The following BCO2 variants were observed in gnomAD, a reference collection of about 807,000 sequenced individuals.
The protein encoded by BCO2 is carotenoid-cleaving dioxygenase, mitochondrial.
Under a neutral mutation model 65.8 loss-of-function variants are expected in BCO2, and 56 were observed. The ratio of observed to expected loss-of-function variants is 0.85; its 90% CI spans 0.69 to 1.06. BCO2 has a LOEUF of 1.06. Ranked by LOEUF, BCO2 falls within the 50% of genes least tolerant of loss-of-function variation. The pLI is 0.00. For missense variants in BCO2, 675 were observed against 698.5 expected (o/e 0.97, Z 0.38); for synonymous variants, 233 against 242.3 (o/e 0.96, Z 0.36).
intron 8 of BCO2, among the ~76,000 whole-genome samples, chr11:112,202,643 C>A (rs1867764935): frequency 6.6e-6 from 1 of 152,060 alleles, no homozygotes. Context: ...AGTTTTAAAG[C>A]ATTGAAGACA....
chr11:112,191,259 C>T (rs1867381013), intron 2 of BCO2, among the ~76,000 whole-genome samples: 2 of 151,646 alleles, frequency 1.3e-5, no homozygotes, highest in Admixed American at 6.6e-5. Context: ...CCTGGAAAAC[C>T]ATAGAGGATC....
At chr11:112,199,148 C>T (rs1050613315) in intron 5 of BCO2, among the ~76,000 whole-genome samples, 2 of 152,110 alleles carry the variant, frequency 1.3e-5, no homozygotes, top group Non-Finnish European at 2.9e-5. Context: ...GTGACGTTCT[C>T]CTCCCAGTGT....
intron 10 of BCO2, chr11:112,215,789 G>A (rs1859660130): frequency 6.3e-6 from 1 of 157,638 alleles, no homozygotes; most frequent in Admixed American, 6.4e-5. Flanking sequence ...TTGGCTCATA[G>A]TTCTGTGGGA....
At chr11:112,216,061 C>G (rs1176048301) in intron 10 of BCO2, 159 bp from the exon 11 acceptor site, 3 of 613,376 alleles carry the variant, frequency 4.9e-6, no homozygotes, top group Non-Finnish European at 8.8e-6. Context: ...CCACTAGGCC[C>G]CACCTTCAGC....
intron 1 of BCO2, 34 bp downstream of exon 1, chr11:112,175,723 C>T (rs1566760414): frequency 6.5e-7 from 1 of 1,544,734 alleles, no homozygotes; most frequent in Non-Finnish European, 9.0e-7. Flanking sequence ...TCCTCATCCT[C>T]CTCTTCTTGC....
At chr11:112,213,462 T>A (rs1198687954) in intron 8 of BCO2, among the ~76,000 whole-genome samples, 2 of 152,124 alleles carry the variant, frequency 1.3e-5, no homozygotes, top group African/African-American at 2.4e-5. Context: ...TTATAATTTT[T>A]AAATTTCTTT....
chr11:112,175,696 G>T lies in BCO2; in HGVS notation c.88+7G>T, dbSNP rs998635982. ...ATGGTGCACCGGCTCCCAGGTAGAG[G>T]GTTTGCCCCTTTCTCTTCCTCATCC... On this transcript the variant is annotated splice_region_variant and intron_variant, in intron 1 of 11. Coordinates refer to ENST00000357685, the MANE Select transcript of BCO2 (RefSeq NM_031938.7). 1.2e-6 allele frequency: 2 copies of T among 1,609,618 alleles called. No individual in the cohort carries two copies. Among genetic ancestry groups the T allele is most frequent in the African/African-American group, 2.7e-5 (2 of 74,826 alleles).
rs765917509 is a variant in BCO2 at position 112,200,606 on chromosome 11, C to T, written c.866-7C>T. 1 of 1,594,674 alleles carries T rather than the reference C, an allele frequency of 6.3e-7. No individual in the cohort carries two copies. The highest frequency in any genetic ancestry group is 8.5e-7 in the Non-Finnish European group (1 of 1,173,804). On this transcript the variant is annotated splice_region_variant and splice_polypyrimidine_tract_variant and intron_variant, in intron 6 of 11. Coordinates refer to ENST00000357685, the MANE Select transcript of BCO2 (RefSeq NM_031938.7). The stretch of plus-strand genomic sequence containing the variant: ...TAACATTTTTATTGTTTGCTGGAAC[C>T]TTTTAGGAATGACAAGGAACTATAT...
chr11:112,203,569 A>G (rs905661896), intron 8 of BCO2, among the ~76,000 whole-genome samples: 4 of 152,134 alleles, frequency 2.6e-5, no homozygotes, highest in African/African-American at 9.6e-5. Context: ...TAACATATCT[A>G]TCATCTCACA....
chr11:112,183,817 C>T (rs1708105811), intron 2 of BCO2, among the ~76,000 whole-genome samples: 1 of 152,172 alleles, frequency 6.6e-6, no homozygotes, highest in South Asian at 2.1e-4. Flanking sequence ...ATATCCAGTT[C>T]TTACTGATTG....
intron 2 of BCO2, chr11:112,181,338 C>A (rs375622509): frequency 1.5e-5 from 8 of 526,850 alleles, no homozygotes; most frequent in Middle Eastern, 5.2e-4. Context: ...CCCGCCACTA[C>A]GCCCGGCTAA....
At chr11:112,186,535 A>G (rs1867204914) in intron 2 of BCO2, among the ~76,000 whole-genome samples, 1 of 152,230 alleles carries the variant, frequency 6.6e-6, no homozygotes, top group South Asian at 2.1e-4. Flanking sequence ...CCCTTCACCT[A>G]TGGATAAGAA....
chr11:112,186,205 C>T (rs1867196494), intron 2 of BCO2, among the ~76,000 whole-genome samples: 1 of 151,256 alleles, frequency 6.6e-6, no homozygotes, highest in African/African-American at 2.4e-5. Flanking sequence ...ATTTCACCTG[C>T]TGCAGAAGGA....
At chr11:112,189,623 T>C (rs1867310987) in intron 2 of BCO2, among the ~76,000 whole-genome samples, 2 of 152,056 alleles carry the variant, frequency 1.3e-5, no homozygotes, top group Non-Finnish European at 2.9e-5. Flanking sequence ...AGGATGGTCT[T>C]GATCTCCTGA....
chr11:112,199,889 A>T lies in BCO2; in HGVS notation c.865+62A>T, dbSNP rs1867683807. 12 of 1,570,724 alleles carry T rather than the reference A, an allele frequency of 7.6e-6. No individual in the cohort carries two copies. In the South Asian group the frequency reaches 1.2e-4, roughly 16 times the overall value. ...GCCTTGATGTTGCTGTAGCAGAAGG[A>T]CTAGTCTGGCAAATGTTATGTTAAT... On this transcript the variant is annotated intron_variant, in intron 6 of 11. Coordinates refer to ENST00000357685, the MANE Select transcript of BCO2 (RefSeq NM_031938.7).
At chr11:112,190,684 G>A (rs1023940602) in intron 2 of BCO2, among the ~76,000 whole-genome samples, 108 of 151,716 alleles carry the variant, frequency 7.1e-4, no homozygotes, top group African/African-American at 1.3e-3. Context: ...GTGAAACCCC[G>A]TATCTACTAA....
chr11:112,200,717 A>G lies in BCO2; in HGVS notation c.970A>G (p.Ser324Gly). The G allele has an allele frequency of 6.2e-7, 1 of 1,614,038 alleles. No individual in the cohort carries two copies. Among genetic ancestry groups the G allele is most frequent in the Non-Finnish European group, 8.5e-7 (1 of 1,179,992 alleles). ...IRGKAFSDGISWEPQCNTRFH... is the reference protein window; with the variant it reads ...IRGKAFSDGIGWEPQCNTRFH... ...GGGAAAGGCCTTTTCAGATGGGATAAGCTGGGAACCCCAGTGTAATACGCG... is the reference window on the plus strand; with the variant it reads ...GGGAAAGGCCTTTTCAGATGGGATAGGCTGGGAACCCCAGTGTAATACGCG... The change falls in exon 7 of 12, where the codon AGC (serine) becomes GGC (glycine). Residue 324 changes from serine to glycine, a missense_variant. Coordinates refer to ENST00000357685, the MANE Select transcript of BCO2 (RefSeq NM_031938.7).
At position 112,175,707 on chromosome 11, in the gene BCO2, T is replaced by C; in HGVS notation, c.88+18T>C. 1 of 1,595,884 alleles carries C rather than the reference T, an allele frequency of 6.3e-7. No homozygotes were observed. Among genetic ancestry groups the C allele is most frequent in the Non-Finnish European group, 8.6e-7 (1 of 1,163,376 alleles). ...GCTCCCAGGTAGAGGGTTTGCCCCT[T>C]TCTCTTCCTCATCCTCCTCTTCTTG... On this transcript the variant is annotated intron_variant, in intron 1 of 11. Transcript: ENST00000357685.
chr11:112,215,956 C>T (rs1031087561), intron 10 of BCO2, among the ~76,000 whole-genome samples: 1 of 152,060 alleles, frequency 6.6e-6, no homozygotes, highest in African/African-American at 2.4e-5. Flanking sequence ...AAACAACTAC[C>T]TCTCAGACGA....
Sources: gnomAD v4.1 joint callset for allele counts (sites outside exome capture counted in the v4.1 genomes callset) on GRCh38, gnomAD v4.1.1 for gene constraint, MANE v1.5 for transcripts, NCBI Gene and HGNC (gene_info 2026-07-23, HGNC 2026-07-21) for gene names.